Variants in WDR27 observed in about 807,000 individuals in gnomAD.
WDR27 encodes WD repeat domain 27.
WDR27 carries 100 observed loss-of-function variants against 114.4 expected under a neutral mutation model. The observed-to-expected ratio is 0.87, with a 90% confidence interval of 0.74 to 1.03. The LOEUF is 1.03. WDR27 is among the 50% of genes least tolerant of loss of function. The pLI is 0.00. For synonymous variants in WDR27, 449 were observed against 423.1 expected, an observed-to-expected ratio of 1.06 and a Z score of -0.75; for missense variants, 1,129 against 1,092.9, an observed-to-expected ratio of 1.03 and a Z score of -0.47.
At chr6:169,629,908 CAA>C (rs914972294) in intron 21 of WDR27, among the ~76,000 whole-genome samples, 27 of 99,144 alleles carry the variant, frequency 2.7e-4, no homozygotes, top group African/African-American at 1.1e-3. Flanking sequence ...GCCTGGGCGA[CAA>C]GAGCGAAACT....
intron 25 of WDR27, among the ~76,000 whole-genome samples, chr6:169,502,277 G>A (rs1049988754): frequency 6.6e-6 from 1 of 152,184 alleles, no homozygotes; most frequent in Non-Finnish European, 1.5e-5. Context: ...GGACAGGCCG[G>A]ACTCACGTGC....
chr6:169,590,576 G>A (rs183863123), intron 23 of WDR27, among the ~76,000 whole-genome samples: 149 of 152,100 alleles, frequency 9.8e-4, no homozygotes, highest in Middle Eastern at 3.4e-3. Context: ...CCACCTGGCC[G>A]CCCGCCACAC....
intron 25 of WDR27, among the ~76,000 whole-genome samples, chr6:169,465,946 G>A (rs1199299615): frequency 6.6e-6 from 1 of 152,106 alleles, no homozygotes; most frequent in African/African-American, 2.4e-5. Flanking sequence ...GGATAGTGGT[G>A]GTGACTGTAG....
At position 169,659,851 on chromosome 6, in the gene WDR27, A is replaced by T. The variant is rs1403450032; in HGVS notation, c.1130-333T>A. On this transcript the variant is annotated intron_variant, in intron 10 of 25. Coordinates refer to ENST00000448612, the MANE Select transcript of WDR27 (RefSeq NM_182552.5). This position sits in a 1 kb window ranked among gnomAD's most constrained non-coding sequence, Gnocchi z 4.3. ...GCACCAGATCAGAAAGGAAATGTGTAATTAGAGCTGTGACCATTTGGGGGA... is the reference window on the plus strand; with the variant it reads ...GCACCAGATCAGAAAGGAAATGTGTTATTAGAGCTGTGACCATTTGGGGGA... 6.6e-6 allele frequency among the ~76,000 whole-genome samples: 1 copy of T among 151,928 alleles called. No homozygotes were observed. Among genetic ancestry groups the T allele is most frequent in the Non-Finnish European group, 1.5e-5 (1 of 67,978 alleles).
At chr6:169,639,131 G>T (rs1343258871) in intron 17 of WDR27, among the ~76,000 whole-genome samples, 1 of 147,062 alleles carries the variant, frequency 6.8e-6, no homozygotes, top group African/African-American at 2.5e-5. Context: ...GCTCGGTACT[G>T]TGTGGTGCTG....
chr6:169,504,977 A>C (rs1055569365), intron 25 of WDR27, among the ~76,000 whole-genome samples: 1 of 152,162 alleles, frequency 6.6e-6, no homozygotes, highest in Non-Finnish European at 1.5e-5. Context: ...AACAAGTGAA[A>C]ACTGTATGTT....
At chr6:169,471,394 G>A (rs952902692) in intron 25 of WDR27, among the ~76,000 whole-genome samples, 2 of 152,036 alleles carry the variant, frequency 1.3e-5, no homozygotes, top group African/African-American at 4.8e-5. Flanking sequence ...GATCCCAGGT[G>A]TCTTTCTGCC....
At chr6:169,563,175 C>T (rs552340197) in intron 25 of WDR27, among the ~76,000 whole-genome samples, 101 of 152,268 alleles carry the variant, frequency 6.6e-4, no homozygotes, top group African/African-American at 1.7e-3. Context: ...CCGCCCTGGA[C>T]GCCTCCCTGC....
intron 2 of WDR27, 66 bp from the exon 3 acceptor site, chr6:169,672,462 A>G: frequency 1.4e-6 from 2 of 1,403,178 alleles, no homozygotes; most frequent in South Asian, 1.5e-5. Flanking sequence ...TAACAACATA[A>G]CTTCAAACCT....
chr6:169,551,932 A>G (rs140770023), intron 25 of WDR27, among the ~76,000 whole-genome samples: 40 of 152,204 alleles, frequency 2.6e-4, no homozygotes, highest in Middle Eastern at 3.4e-3. Context: ...CTTTATTTAC[A>G]AAAACAGGGT....
At chr6:169,658,233 C>G (rs770931583) in intron 13 of WDR27, 43 bp downstream of exon 13, 13 of 1,482,394 alleles carry the variant, frequency 8.8e-6, no homozygotes, top group African/African-American at 5.6e-5. Context: ...AATGAGAACG[C>G]ATCAGCCTTG....
At chr6:169,609,335 T>A (rs927570873) in intron 22 of WDR27, among the ~76,000 whole-genome samples, 2 of 152,100 alleles carry the variant, frequency 1.3e-5, no homozygotes, top group Non-Finnish European at 2.9e-5. Context: ...CTAGCAGAGG[T>A]TCTCCAAGGG....
chr6:169,471,745 T>G (rs1786425761), intron 25 of WDR27, among the ~76,000 whole-genome samples: 1 of 152,228 alleles, frequency 6.6e-6, no homozygotes, highest in Non-Finnish European at 1.5e-5. Context: ...TTAGGTGATC[T>G]GTTAGTCCAT....
chr6:169,446,539 G>C, the WDR27 span, among the ~76,000 whole-genome samples: 2 of 152,232 alleles, frequency 1.3e-5, no homozygotes, highest in Non-Finnish European at 2.9e-5. Flanking sequence ...CAGGATTTGG[G>C]AGCATCTGCA....
intron 8 of WDR27, among the ~76,000 whole-genome samples, chr6:169,662,944 G>A (rs1287116571): frequency 2.7e-5 from 4 of 146,676 alleles, no homozygotes; most frequent in East Asian, 2.0e-4. Flanking sequence ...TTCAGATCAC[G>A]CGTCAAGGAA....
At chr6:169,625,831 C>T (rs1163196642) in intron 21 of WDR27, among the ~76,000 whole-genome samples, 2 of 152,114 alleles carry the variant, frequency 1.3e-5, no homozygotes, top group Non-Finnish European at 2.9e-5. Context: ...GACCAGAGCC[C>T]GCCTCTTCTC....
Position 169,587,510 on chromosome 6 carries a change from C to G in WDR27, c.2425-4576G>C, listed in dbSNP as rs144907755. 4.3e-3 allele frequency among the ~76,000 whole-genome samples: 657 copies of G among 152,246 alleles called. 3 individuals are homozygous for G. The highest frequency in any genetic ancestry group is 0.015 in the African/African-American group (634 of 41,540). On this transcript the variant is annotated intron_variant, in intron 23 of 25. Coordinates refer to ENST00000448612, the MANE Select transcript of WDR27 (RefSeq NM_182552.5). ...CTGGGATTACAGGTGTGAGCCACTGCGCCCGGCCCTCAATGATTTCCTTAA... is the reference window on the plus strand; with the variant it reads ...CTGGGATTACAGGTGTGAGCCACTGGGCCCGGCCCTCAATGATTTCCTTAA...
At chr6:169,516,834 CA>C (rs1467464482) in intron 25 of WDR27, among the ~76,000 whole-genome samples, 11 of 151,110 alleles carry the variant, frequency 7.3e-5, no homozygotes, top group African/African-American at 2.2e-4. Context: ...CACACACACA[CA>C]CCCCTCCCTT....
intron 1 of WDR27, among the ~76,000 whole-genome samples, chr6:169,697,317 G>T (rs1786399388): frequency 6.6e-6 from 1 of 152,166 alleles, no homozygotes; most frequent in African/African-American, 2.4e-5. Flanking sequence ...GGGCTCCTTG[G>T]TCTAGCGGTA....
Sources: allele counts gnomAD v4.1 joint callset (sites outside exome capture counted in the v4.1 genomes callset), GRCh38; gene constraint gnomAD v4.1.1; non-coding constraint Gnocchi (gnomAD v3.1); transcripts MANE v1.5; gene names NCBI Gene and HGNC (gene_info 2026-07-23, HGNC 2026-07-21).